Variants in WDPCP observed in about 807,000 individuals in gnomAD.
WDPCP encodes WD repeat-containing and planar cell polarity effector protein fritz homolog.
In WDPCP, 71 loss-of-function variants were observed where a neutral mutation model predicts 93.1. That is an observed-to-expected ratio of 0.76 (90% CI 0.63 to 0.93). The LOEUF (loss-of-function observed/expected upper bound fraction) is 0.93, where lower values mean the gene tolerates loss of function less well. WDPCP is among the 40% of genes least tolerant of loss of function. The pLI, the probability that WDPCP is intolerant of heterozygous loss-of-function variation, is 0.00. For synonymous variants in WDPCP, 315 were observed against 315.0 expected, an observed-to-expected ratio of 1.00 and a Z score of 0.00; for missense variants, 844 against 887.4, an observed-to-expected ratio of 0.95 and a Z score of 0.62.
chr2:63,728,084 C>A (rs1359164756), intron 2 of WDPCP, among the ~76,000 whole-genome samples: 2 of 152,108 alleles, frequency 1.3e-5, no homozygotes, highest in African/African-American at 2.4e-5. Context: ...AGGAGAATAT[C>A]TGAAGACAAA....
intron 12 of WDPCP, among the ~76,000 whole-genome samples, chr2:63,334,222 T>C (rs1290370494): frequency 5.9e-5 from 9 of 152,226 alleles, no homozygotes; most frequent in Admixed American, 5.9e-4. Context: ...AGTGTTTATT[T>C]CTTTCACCTT....
At chr2:63,242,466 T>TAAG (rs1574964511) in intron 14 of WDPCP, among the ~76,000 whole-genome samples, 1 of 152,200 alleles carries the variant, frequency 6.6e-6, no homozygotes, top group East Asian at 1.9e-4. Flanking sequence ...ATTCTTCAAA[T>TAAG]AAGAAGTTAA....
chr2:63,165,758 A>G (rs1033998686), intron 15 of WDPCP, among the ~76,000 whole-genome samples: 1 of 151,244 alleles, frequency 6.6e-6, no homozygotes, highest in Non-Finnish European at 1.5e-5. Flanking sequence ...GTAGTCTCTT[A>G]TGATTAAAAA....
upstream of WDPCP, chr2:63,589,402 A>C: frequency 2.6e-6 from 4 of 1,549,180 alleles, no homozygotes; most frequent in Non-Finnish European, 2.6e-6. Flanking sequence ...ATGGGAGGGA[A>C]AGGTTGGGTC....
In WDPCP at chr2:63,360,768, A is replaced by G. The variant is rs141234611; in HGVS notation, c.1748+17618T>C. Among the ~76,000 whole-genome samples, 788 of 152,260 alleles carry G rather than the reference A, an allele frequency of 5.2e-3. 8 individuals are homozygous for G. Among genetic ancestry groups the G allele is most frequent in the African/African-American group, 0.019 (770 of 41,556 alleles). On this transcript the variant is annotated intron_variant, in intron 12 of 17. Transcript: ENST00000272321. ...CTCAAGCCCCAGTGGTCCAAATCCC[A>G]TCTTTTATTTCAATAATTTTCTGCA...
intron 1 of WDPCP, among the ~76,000 whole-genome samples, chr2:63,520,468 A>C (rs1287148571): frequency 6.6e-6 from 1 of 152,248 alleles, no homozygotes; most frequent in African/African-American, 2.4e-5. Context: ...GAAAGAAAAA[A>C]TGTTAAAGGC....
chr2:63,762,412 CCCTTTCAGATTATG>C lies in WDPCP; in HGVS notation n.308+51196_308+51209del, dbSNP rs376102187. Among the ~76,000 whole-genome samples, 81 of 152,204 alleles carry C rather than the reference CCCTTTCAGATTATG, an allele frequency of 5.3e-4. No homozygotes were observed. In the East Asian group the frequency reaches 0.013, roughly 25 times the overall value. Reference sequence around the variant, plus strand: ...GGGTAAGAAAAAATGCACTCATTACCCCTTTCAGATTATGCCAATAAACTGGGCATTTTTGGTTT... The same window carrying C: ...GGGTAAGAAAAAATGCACTCATTACCCCAATAAACTGGGCATTTTTGGTTT... On this transcript the variant is annotated intron_variant and non_coding_transcript_variant, in intron 2 of 4. Coordinates refer to the WDPCP transcript ENST00000467687.
chr2:63,500,451 G>GT (rs1553412885), intron 1 of WDPCP, among the ~76,000 whole-genome samples: 2,061 of 95,106 alleles, frequency 0.022, 49 homozygotes, highest in African/African-American at 0.091. Context: ...AAAATGGTGT[G>GT]GGGGTGTGTG....
chr2:63,422,429 G>C (rs887764566), intron 9 of WDPCP, among the ~76,000 whole-genome samples: 1 of 152,144 alleles, frequency 6.6e-6, no homozygotes, highest in African/African-American at 2.4e-5. Flanking sequence ...GGCACCTTCA[G>C]AAAGTACTAG....
intron 14 of WDPCP, among the ~76,000 whole-genome samples, chr2:63,224,605 T>C (rs1328265486): frequency 2.0e-5 from 3 of 151,940 alleles, no homozygotes; most frequent in Non-Finnish European, 4.4e-5. Context: ...AGAAACCTTA[T>C]TAAATGCATA....
rs1268817626 is a variant in WDPCP at position 63,476,272 on chromosome 2, G to A, written c.384+8332C>T. Among the ~76,000 whole-genome samples, 6 of 152,172 alleles carry A rather than the reference G, an allele frequency of 3.9e-5. No individual in the cohort carries two copies. In the East Asian group the frequency reaches 5.8e-4, roughly 15 times the overall value. On this transcript the variant is annotated intron_variant, in intron 6 of 17. Coordinates refer to ENST00000272321, the MANE Select transcript of WDPCP (RefSeq NM_015910.7). ...CCTTAATATAACATTCAAAGTCCCCGACGAGGAAGTTCCAAGGTGCCTTTC... is the reference window on the plus strand; with the variant it reads ...CCTTAATATAACATTCAAAGTCCCCAACGAGGAAGTTCCAAGGTGCCTTTC...
chr2:63,299,415 A>C (rs539320893), intron 13 of WDPCP, among the ~76,000 whole-genome samples: 1 of 152,252 alleles, frequency 6.6e-6, no homozygotes, highest in East Asian at 1.9e-4. Flanking sequence ...CCCTGTCCCT[A>C]CTGTAAAAAG....
chr2:63,313,886 A>ATATGTGTGTGTATATATATATATATTTTT lies in WDPCP; in HGVS notation c.1749-576_1749-575insAAAAATATATATATATATACACACACATA. Among the ~76,000 whole-genome samples, 3 of 74,502 alleles carry ATATGTGTGTGTATATATATATATATTTTT rather than the reference A, an allele frequency of 4.0e-5. 1 individual carries two copies. The highest frequency in any genetic ancestry group is 7.8e-5 in the Non-Finnish European group (3 of 38,632). 48.9% of individuals were successfully genotyped at this position (74,502 alleles called of 152,430 possible). A position where few individuals can be genotyped will look rare whatever the true frequency, so the allele number is the denominator to read the frequency against. ...TATATATATATATATATATATATAT[A>ATATGTGTGTGTATATATATATATATTTTT]TTTTTTTTTTTTTGGAGATGGAGTC... On this transcript the variant is annotated intron_variant, in intron 12 of 17. Transcript: ENST00000272321.
At chr2:63,437,793 G>A in intron 7 of WDPCP, 1 of 1,471,834 alleles carries the variant, frequency 6.8e-7, no homozygotes, top group Non-Finnish European at 9.3e-7. Context: ...TGATATTTGG[G>A]GACCACCAAT....
chr2:63,480,375 G>C (rs960508400), intron 6 of WDPCP, among the ~76,000 whole-genome samples: 9 of 151,926 alleles, frequency 5.9e-5, no homozygotes, highest in African/African-American at 2.2e-4. Flanking sequence ...CACAGAACTA[G>C]AAAAAACAAT....
At chr2:63,654,565 A>G (rs1710144087) in intron 2 of WDPCP, among the ~76,000 whole-genome samples, 1 of 152,188 alleles carries the variant, frequency 6.6e-6, no homozygotes, top group Non-Finnish European at 1.5e-5. Flanking sequence ...TGAAAGGACA[A>G]ACTTTCCACA....
chr2:63,676,467 A>T (rs1319600962), intron 2 of WDPCP, among the ~76,000 whole-genome samples: 1 of 152,200 alleles, frequency 6.6e-6, no homozygotes, highest in African/African-American at 2.4e-5. Context: ...GTGGTTCTCA[A>T]TCATGGATAA....
chr2:63,484,887 T>C (rs765695100), intron 5 of WDPCP, 30 bp downstream of exon 5: 15 of 1,608,844 alleles, frequency 9.3e-6, no homozygotes, highest in Admixed American at 5.0e-5. Context: ...GATTTGTTTG[T>C]TGCCATTTTT....
At chr2:63,823,258 A>T (rs1182750113) in intron 1 of WDPCP, among the ~76,000 whole-genome samples, 2 of 151,790 alleles carry the variant, frequency 1.3e-5, no homozygotes, top group Non-Finnish European at 2.9e-5. Flanking sequence ...CTGTAATCCC[A>T]GCACTTTGGG....
Sources: allele counts gnomAD v4.1 joint callset (sites outside exome capture counted in the v4.1 genomes callset), GRCh38; gene constraint gnomAD v4.1.1; transcripts MANE v1.5; gene names NCBI Gene and HGNC (gene_info 2026-07-23, HGNC 2026-07-21).